The following TUT7 variants were observed in gnomAD, a reference collection of about 807,000 sequenced individuals.
TUT7 encodes the protein terminal uridylyltransferase 7.
Under a neutral mutation model 165.9 loss-of-function variants are expected in TUT7, and 33 were observed. The observed-to-expected ratio is 0.20, with a 90% CI of 0.15 to 0.27. The LOEUF is 0.27. TUT7 is among the 10% of genes least tolerant of loss of function. The pLI, the probability that TUT7 is intolerant of heterozygous loss-of-function variation, is 1.00. For missense variants in TUT7, 1,338 were observed against 1,762.3 expected (o/e 0.76, Z 4.31); for synonymous variants, 552 against 608.1 (o/e 0.91, Z 1.36).
intron 16 of TUT7, among the ~76,000 whole-genome samples, 194 bp from the exon 17 acceptor site, chr9:86,317,470 C>A (rs1438567429): frequency 2.0e-5 from 3 of 152,106 alleles, no homozygotes; most frequent in African/African-American, 7.2e-5. Context: ...CACTAAATAC[C>A]CTACTTCCTA....
At chr9:86,324,015 T>G in intron 12 of TUT7, 55 bp from the exon 13 acceptor site, 2 of 1,330,596 alleles carry the variant, frequency 1.5e-6, no homozygotes, top group South Asian at 3.9e-5. Context: ...GTTACTATAT[T>G]TCATGTTTTA....
At chr9:86,351,391 G>A (rs375302763) in intron 2 of TUT7, among the ~76,000 whole-genome samples, 19 of 151,900 alleles carry the variant, frequency 1.3e-4, no homozygotes, top group African/African-American at 3.9e-4. Context: ...AGCCAAGATC[G>A]CGCCACTGTA....
intron 10 of TUT7, among the ~76,000 whole-genome samples, chr9:86,333,332 T>C (rs1317383095): frequency 6.6e-6 from 1 of 152,190 alleles, no homozygotes; most frequent in African/African-American, 2.4e-5. Context: ...CTATTTCTTC[T>C]GTTCTTTTTT....
At chr9:86,338,046 C>T (rs1044045277) in intron 9 of TUT7, among the ~76,000 whole-genome samples, 3 of 151,972 alleles carry the variant, frequency 2.0e-5, no homozygotes, top group Non-Finnish European at 4.4e-5. Flanking sequence ...ATGAAGCAGG[C>T]GGTGGTTTTC....
intron 2 of TUT7, among the ~76,000 whole-genome samples, chr9:86,349,910 AAGCAACTTCTTT>A (rs1832121326): frequency 6.6e-6 from 1 of 152,220 alleles, no homozygotes. Context: ...ATACACTTAA[AAGCAACTTCTTT>A]AGTTGCTTTT....
At chr9:86,299,328 G>A (rs1056348190) in intron 26 of TUT7, among the ~76,000 whole-genome samples, 2 of 134,648 alleles carry the variant, frequency 1.5e-5, no homozygotes, top group Non-Finnish European at 3.1e-5. Flanking sequence ...CAGTAGCCCT[G>A]TTTTCAAACT....
intron 19 of TUT7, 35 bp downstream of exon 19, chr9:86,309,893 A>G (rs1564042008): frequency 1.9e-6 from 3 of 1,569,454 alleles, no homozygotes; most frequent in Non-Finnish European, 2.6e-6. Flanking sequence ...ATGCAATGAA[A>G]TTTCCTGATA....
At chr9:86,309,702 C>A (rs1287969290) in intron 19 of TUT7, 126 bp from the exon 20 acceptor site, 4 of 937,090 alleles carry the variant, frequency 4.3e-6, no homozygotes, top group Non-Finnish European at 6.5e-6. Context: ...TTGTCAAAGG[C>A]AAAACCAATC....
At position 86,346,428 on chromosome 9, in the gene TUT7, C is replaced by T; in HGVS notation, c.573G>A (p.Glu191=). ...RPRKPRKTRN[E]ENEQDGDLEG... is the part of the protein sequence containing the mutation. ...CCAAGTCTCCATCCTGCTCATTTTCCTCATTTCTAGTCTTCCGTGGCTTCC... is the reference window on the plus strand; with the variant it reads ...CCAAGTCTCCATCCTGCTCATTTTCTTCATTTCTAGTCTTCCGTGGCTTCC... The change falls in exon 3 of 27, where the codon GAG becomes GAA. Residue 191 remains glutamate (E), a synonymous_variant. Transcript: ENST00000375963. 1 of 1,614,092 alleles carries T rather than the reference C, an allele frequency of 6.2e-7. No individual in the cohort carries two copies. Among genetic ancestry groups the T allele is most frequent in the Non-Finnish European group, 8.5e-7 (1 of 1,179,966 alleles).
Position 86,303,679 on chromosome 9 carries a change from G to A in TUT7, c.3979-478C>T, listed in dbSNP as rs188262731. Among the ~76,000 whole-genome samples, 25 of 152,322 alleles carry A rather than the reference G, an allele frequency of 1.6e-4. No individual in the cohort carries two copies. In the East Asian group the frequency reaches 4.8e-3, roughly 29 times the overall value. On this transcript the variant is annotated intron_variant, in intron 24 of 26. Coordinates refer to ENST00000375963, the MANE Select transcript of TUT7 (RefSeq NM_024617.4). Reference sequence around the variant, plus strand: ...CTGAAGGAAAAATAACAGAACAAAGGAAAGATAATGGTCTAGCCTGTAGCC... The same window carrying A: ...CTGAAGGAAAAATAACAGAACAAAGAAAAGATAATGGTCTAGCCTGTAGCC...
chr9:86,306,624 T>C (rs1827514856), intron 22 of TUT7, among the ~76,000 whole-genome samples: 1 of 151,590 alleles, frequency 6.6e-6, no homozygotes, highest in South Asian at 2.1e-4. Context: ...CTGGCCAACA[T>C]GGTGAAACAC....
intron 26 of TUT7, among the ~76,000 whole-genome samples, chr9:86,290,628 G>A (rs1215834949): frequency 6.7e-6 from 1 of 149,906 alleles, no homozygotes; most frequent in East Asian, 2.0e-4. Context: ...GACTGCCTGA[G>A]CTCAGGAGTT....
At chr9:86,319,489 T>C in intron 15 of TUT7, 95 bp downstream of exon 15, 1 of 869,230 alleles carries the variant, frequency 1.2e-6, no homozygotes, top group Non-Finnish European at 1.7e-6. Flanking sequence ...ACAATGGAAA[T>C]CCTGATTCTC....
At chr9:86,341,233 C>T (rs1453873879) in intron 6 of TUT7, among the ~76,000 whole-genome samples, 180 bp from the exon 7 acceptor site, 1 of 152,154 alleles carries the variant, frequency 6.6e-6, no homozygotes, top group Non-Finnish European at 1.5e-5. Context: ...CAGATCAACA[C>T]CAAATGAAGA....
intron 10 of TUT7, among the ~76,000 whole-genome samples, chr9:86,335,560 T>C (rs755069063): frequency 6.6e-6 from 1 of 152,198 alleles, no homozygotes; most frequent in Non-Finnish European, 1.5e-5. Flanking sequence ...ACAGGGAATT[T>C]GGTCTTGTCC....
At chr9:86,338,701 GTCTT>G (rs2131551696) in intron 9 of TUT7, 118 bp downstream of exon 9, 1 of 1,136,002 alleles carries the variant, frequency 8.8e-7, no homozygotes, top group East Asian at 3.0e-5. Flanking sequence ...AAATTCAGAT[GTCTT>G]TCTCTTTTGA....
intron 19 of TUT7, 23 bp downstream of exon 19, chr9:86,309,905 G>C: frequency 6.3e-7 from 1 of 1,591,214 alleles, no homozygotes; most frequent in Non-Finnish European, 8.6e-7. Flanking sequence ...TTCCTGATAA[G>C]TCACAATAGG....
chr9:86,294,274 CAAA>C (rs11338696), intron 26 of TUT7, among the ~76,000 whole-genome samples: 53 of 96,796 alleles, frequency 5.5e-4, no homozygotes, highest in East Asian at 1.2e-3. Flanking sequence ...TGCCATGAGG[CAAA>C]AAAAAAAAAA....
At chr9:86,328,579 CAT>C (rs1830019934) in intron 10 of TUT7, 87 bp from the exon 11 acceptor site, 4 of 1,083,004 alleles carry the variant, frequency 3.7e-6, no homozygotes, top group South Asian at 2.1e-5. Flanking sequence ...AAAAAATACT[CAT>C]AGTTCAACGA....
Sources: allele counts gnomAD v4.1 joint callset (sites outside exome capture counted in the v4.1 genomes callset), GRCh38; gene constraint gnomAD v4.1.1; transcripts MANE v1.5; gene names NCBI Gene and HGNC (gene_info 2026-07-23, HGNC 2026-07-21).